Variants in GALNT2 observed in about 807,000 individuals in gnomAD.
The protein encoded by GALNT2 is polypeptide N-acetylgalactosaminyltransferase 2.
GALNT2 carries 31 observed loss-of-function variants against 81.4 expected under a neutral mutation model. The observed-to-expected ratio is 0.38, with a 90% CI of 0.29 to 0.51. The LOEUF (loss-of-function observed/expected upper bound fraction) is 0.51, where lower values mean the gene tolerates loss of function less well. Ranked by LOEUF, GALNT2 falls within the 20% of genes least tolerant of loss-of-function variation. The pLI, the probability that GALNT2 is intolerant of heterozygous loss-of-function variation, is 0.87. For missense variants in GALNT2, 629 were observed against 765.7 expected, an observed-to-expected ratio of 0.82 and a Z score of 2.11; for synonymous variants, 303 against 287.4, an observed-to-expected ratio of 1.05 and a Z score of -0.55.
chr1:230,204,615 C>T (rs939258469), intron 3 of GALNT2, among the ~76,000 whole-genome samples: 1 of 152,178 alleles, frequency 6.6e-6, no homozygotes, highest in Non-Finnish European at 1.5e-5. Context: ...TATCCCATAC[C>T]TGTAAGTTTG....
intron 9 of GALNT2, 121 bp from the exon 10 acceptor site, chr1:230,250,336 G>T (rs1665504660): frequency 2.8e-6 from 2 of 725,242 alleles, no homozygotes; most frequent in East Asian, 2.7e-5. Context: ...TGGCAGTGTG[G>T]CTGTTCTGAA....
chr1:230,181,395 A>G (rs759361448), intron 2 of GALNT2, among the ~76,000 whole-genome samples: 17 of 152,148 alleles, frequency 1.1e-4, no homozygotes, highest in South Asian at 6.2e-4. Context: ...GGATTACGTT[A>G]ATGGGTTTTC....
intron 3 of GALNT2, among the ~76,000 whole-genome samples, chr1:230,211,487 C>G (rs2102714063): frequency 6.6e-6 from 1 of 152,324 alleles, no homozygotes; most frequent in African/African-American, 2.4e-5. Context: ...CATGCTCAGC[C>G]TTTTGTGTGC....
chr1:230,200,808 C>G (rs1002724459), intron 2 of GALNT2, among the ~76,000 whole-genome samples: 5 of 152,214 alleles, frequency 3.3e-5, no homozygotes, highest in African/African-American at 1.2e-4. Flanking sequence ...GGGTGGTGGT[C>G]TCTTCTCTGG....
intron 1 of GALNT2, among the ~76,000 whole-genome samples, chr1:230,113,545 C>T (rs568682664): frequency 3.9e-5 from 6 of 152,216 alleles, no homozygotes; most frequent in Middle Eastern, 3.4e-3. Flanking sequence ...TGTGGGACAA[C>T]GGCTGAGCAA....
chr1:230,216,771 G>A (rs1051022772), intron 3 of GALNT2, among the ~76,000 whole-genome samples: 1 of 152,104 alleles, frequency 6.6e-6, no homozygotes, highest in African/African-American at 2.4e-5. Flanking sequence ...ACCTATGAGG[G>A]CCCATAATCT....
At chr1:230,227,738 G>A (rs1176021978) in intron 3 of GALNT2, among the ~76,000 whole-genome samples, 1 of 152,102 alleles carries the variant, frequency 6.6e-6, no homozygotes, top group African/African-American at 2.4e-5. Context: ...TCCTTCACCT[G>A]ATGAAAGGCA....
intron 6 of GALNT2, among the ~76,000 whole-genome samples, chr1:230,240,540 C>T (rs1353927128): frequency 2.0e-5 from 3 of 152,130 alleles, no homozygotes; most frequent in Non-Finnish European, 4.4e-5. Context: ...TGCAGTGAGC[C>T]AATATTGTGC....
chr1:230,066,684 G>A (rs990364962), upstream of GALNT2, among the ~76,000 whole-genome samples: 3 of 152,208 alleles, frequency 2.0e-5, no homozygotes, highest in Non-Finnish European at 4.4e-5. Flanking sequence ...GAGCAAGCCC[G>A]TTAAGGGTCT....
At chr1:230,178,351 G>A (rs746097704) in intron 2 of GALNT2, 40 bp downstream of exon 2, 18 of 1,446,160 alleles carry the variant, frequency 1.2e-5, no homozygotes, top group Admixed American at 5.1e-5. Flanking sequence ...CTTTGAGCAC[G>A]TGATTGGGAG....
chr1:230,117,794 A>G (rs1347589842), intron 1 of GALNT2, among the ~76,000 whole-genome samples: 1 of 152,260 alleles, frequency 6.6e-6, no homozygotes, highest in East Asian at 1.9e-4. Flanking sequence ...TGAAGTGAGC[A>G]CACGCTGTTA....
Position 230,280,244 on chromosome 1 carries a change from T to G in GALNT2, c.*786T>G, listed in dbSNP as rs1025865170. The G allele has an allele frequency of 1.5e-5, 5 of 339,326 alleles. No homozygotes were observed. Among genetic ancestry groups the G allele is most frequent in the Non-Finnish European group, 2.9e-5 (5 of 172,016 alleles). 21.0% of individuals were successfully genotyped at this position (339,326 alleles called of 1,614,324 possible). ...CCCTGGAGCCCGATCAGCCAGTTGG[T>G]GCTACTGCTGTGGCCAGCTGGGGGG... On this transcript the variant is annotated 3_prime_UTR_variant, in exon 16 of 16. Transcript: ENST00000366672.
chr1:230,149,785 A>ATGG (rs1662036514), intron 1 of GALNT2, among the ~76,000 whole-genome samples: 1 of 152,148 alleles, frequency 6.6e-6, no homozygotes, highest in South Asian at 2.1e-4. Context: ...TTAGAATAGC[A>ATGG]TGGCGTGAAT....
rs187292821 is a variant in GALNT2, at chr1:230,069,436, C to G, written c.126+2030C>G. 2.2e-3 allele frequency among the ~76,000 whole-genome samples: 333 copies of G among 152,168 alleles called. 2 individuals are homozygous for G. The highest frequency in any genetic ancestry group is 7.6e-3 in the African/African-American group (317 of 41,484). The stretch of plus-strand genomic sequence containing the variant: ...CAACGAACCATAAAATTTAATGCTA[C>G]CCCTTAGGATGCTTTAGTGATTTGT... On this transcript the variant is annotated intron_variant, in intron 1 of 15. Transcript: ENST00000366672.
chr1:230,163,093 G>A (rs1309140915), intron 1 of GALNT2, among the ~76,000 whole-genome samples: 2 of 152,210 alleles, frequency 1.3e-5, no homozygotes. Flanking sequence ...TTCTAAGTCA[G>A]TGGACACGTG....
At chr1:230,186,670 C>T (rs1335402740) in intron 2 of GALNT2, among the ~76,000 whole-genome samples, 2 of 152,210 alleles carry the variant, frequency 1.3e-5, no homozygotes, top group East Asian at 3.8e-4. Context: ...CATTGAGAGT[C>T]ATACCTTACT....
intron 1 of GALNT2, among the ~76,000 whole-genome samples, chr1:230,102,759 C>T (rs1209524218): frequency 6.6e-6 from 1 of 151,980 alleles, no homozygotes; most frequent in African/African-American, 2.4e-5. Context: ...TTTTCATAGC[C>T]ATTGATGGAA....
chr1:230,185,269 C>T (rs983300651), intron 2 of GALNT2, among the ~76,000 whole-genome samples: 15 of 125,144 alleles, frequency 1.2e-4, no homozygotes, highest in South Asian at 7.5e-4. Context: ...ACTGTGCGTG[C>T]GTGCGTGTGT....
At chr1:230,130,698 G>T (rs967268629) in intron 1 of GALNT2, among the ~76,000 whole-genome samples, 1 of 152,232 alleles carries the variant, frequency 6.6e-6, no homozygotes, top group Non-Finnish European at 1.5e-5. Context: ...GATTTCTGCT[G>T]ATCAAGAGTC....
Sources: gnomAD v4.1 joint callset for allele counts (sites outside exome capture counted in the v4.1 genomes callset) on GRCh38, gnomAD v4.1.1 for gene constraint, MANE v1.5 for transcripts, NCBI Gene and HGNC (gene_info 2026-07-23, HGNC 2026-07-21) for gene names.